Variants in ZBTB46 observed in about 807,000 individuals in gnomAD.
ZBTB46 encodes the protein zinc finger and BTB domain containing 46, also known as zinc finger and BTB domain-containing protein 46.
ZBTB46 carries 8 observed loss-of-function variants against 44.1 expected under a neutral mutation model. The ratio of observed to expected loss-of-function variants is 0.18; its 90% confidence interval spans 0.11 to 0.33. The LOEUF is 0.33. ZBTB46 is among the 10% of genes least tolerant of loss of function. ZBTB46 has a pLI of 1.00. For missense variants in ZBTB46, 651 were observed against 847.7 expected (o/e 0.77, Z 2.88); for synonymous variants, 409 against 382.3 (o/e 1.07, Z -0.81).
intron 2 of ZBTB46, 118 bp downstream of exon 2, chr20:63,789,703 G>A: frequency 6.8e-7 from 1 of 1,478,376 alleles, no homozygotes; most frequent in Non-Finnish European, 9.0e-7. Context: ...AAGAGGAAGT[G>A]ACCCTAGAAA....
At chr20:63,830,767 G>A (rs1223745429) in intron 1 of ZBTB46, among the ~76,000 whole-genome samples, 1 of 145,944 alleles carries the variant, frequency 6.9e-6, no homozygotes, top group Non-Finnish European at 1.5e-5. Flanking sequence ...GCCGGGGGCC[G>A]AGGGGCCGGG....
At chr20:63,782,082 G>A (rs1249963179) in intron 2 of ZBTB46, among the ~76,000 whole-genome samples, 3 of 33,864 alleles carry the variant, frequency 8.9e-5, no homozygotes, top group Non-Finnish European at 1.5e-4. Context: ...GCAAGACTCC[G>A]TCTCAAAAAA....
At chr20:63,771,862 G>A (rs914215246) in intron 3 of ZBTB46, among the ~76,000 whole-genome samples, 4 of 152,162 alleles carry the variant, frequency 2.6e-5, no homozygotes, top group Non-Finnish European at 5.9e-5. Flanking sequence ...AGAAAATTAC[G>A]TTTTAAAATA....
At chr20:63,786,692 A>C (rs987978837) in intron 2 of ZBTB46, among the ~76,000 whole-genome samples, 1 of 152,026 alleles carries the variant, frequency 6.6e-6, no homozygotes, top group Non-Finnish European at 1.5e-5. Flanking sequence ...TTGTATATTT[A>C]GTAGAGACGG....
intron 1 of ZBTB46, among the ~76,000 whole-genome samples, chr20:63,818,485 A>G (rs1370881469): frequency 6.6e-6 from 1 of 152,238 alleles, no homozygotes; most frequent in Non-Finnish European, 1.5e-5. Flanking sequence ...CTACAGCAAC[A>G]GTGGCCACAG....
chr20:63,790,332 C>T lies in ZBTB46; in HGVS notation c.426G>A (p.Ala142=), dbSNP rs373457237. 35 of 1,613,086 alleles carry T rather than the reference C, an allele frequency of 2.2e-5. No homozygotes were observed. The highest frequency in any genetic ancestry group is 1.6e-4 in the Middle Eastern group (1 of 6,084). The change falls in exon 2 of 5, where the codon GCG becomes GCA. Residue 142 remains alanine, a synonymous_variant. Transcript: ENST00000245663. The stretch of plus-strand genomic sequence containing the variant: ...TGGACGAGGCGCCGATCTCGAACTC[C>T]GCAAGCTCATCTGAGGCGTCCGACT... ...SIKSDASDEL[A]EFEIGASSSS...
chr20:63,808,925 C>G (rs2092699959), intron 1 of ZBTB46, among the ~76,000 whole-genome samples: 2 of 134,592 alleles, frequency 1.5e-5, no homozygotes, highest in Non-Finnish European at 1.5e-5. Context: ...TGCGGTGAGC[C>G]GAGATGGCGC....
intron 1 of ZBTB46, among the ~76,000 whole-genome samples, chr20:63,808,830 T>G (rs1346184097): frequency 6.6e-6 from 1 of 150,602 alleles, no homozygotes; most frequent in African/African-American, 2.4e-5. Flanking sequence ...AAAAAAAAAT[T>G]AGCCGGGCGT....
chr20:63,800,684 C>A (rs1294046086), intron 1 of ZBTB46, among the ~76,000 whole-genome samples: 1 of 152,228 alleles, frequency 6.6e-6, no homozygotes, highest in Admixed American at 6.5e-5. Flanking sequence ...GGGCTTAGCA[C>A]CCGGGCCAGC....
intron 4 of ZBTB46, among the ~76,000 whole-genome samples, chr20:63,748,093 G>A (rs1170523353): frequency 4.7e-5 from 5 of 106,934 alleles, no homozygotes; most frequent in Non-Finnish European, 8.8e-5. Flanking sequence ...CCCTCAGCCC[G>A]ACCCTGACTC....
intron 1 of ZBTB46, among the ~76,000 whole-genome samples, chr20:63,829,617 G>A (rs915255050): frequency 2.6e-5 from 4 of 152,212 alleles, no homozygotes; most frequent in Non-Finnish European, 5.9e-5. Flanking sequence ...TTCTGCAGTG[G>A]TAACCAGGCT....
intron 1 of ZBTB46, among the ~76,000 whole-genome samples, chr20:63,814,101 T>C (rs2092733509): frequency 6.6e-6 from 1 of 151,102 alleles, no homozygotes; most frequent in Admixed American, 6.6e-5. Flanking sequence ...GGCATGGCAG[T>C]GGGCGCCTGT....
intron 1 of ZBTB46, among the ~76,000 whole-genome samples, chr20:63,819,133 A>C (rs2092777087): frequency 6.6e-6 from 1 of 152,176 alleles, no homozygotes; most frequent in Non-Finnish European, 1.5e-5. Context: ...AGATCGCGCC[A>C]CTGCACTCCA....
intron 3 of ZBTB46, among the ~76,000 whole-genome samples, chr20:63,762,457 T>C (rs1211093992): frequency 6.6e-6 from 1 of 152,012 alleles, no homozygotes; most frequent in Non-Finnish European, 1.5e-5. Context: ...ATCGAGACCA[T>C]CTTGGCCAAC....
At chr20:63,815,294 G>GGT (rs2092742355) in intron 1 of ZBTB46, 2 of 287,166 alleles carry the variant, frequency 7.0e-6, no homozygotes, top group South Asian at 2.9e-5. Context: ...AGGTGCAGTG[G>GGT]GCAAAGGTGC....
Position 63,746,655 on chromosome 20 carries a change from AC to A in ZBTB46, c.*274del. Reference sequence around the variant, plus strand: ...CAGGGGCCACTCACACACCCGCACCACCTGCTGGGGACTTAGGACCGTGCTC... The same window carrying A: ...CAGGGGCCACTCACACACCCGCACCACTGCTGGGGACTTAGGACCGTGCTC... On this transcript the variant is annotated 3_prime_UTR_variant, in exon 5 of 5. Coordinates refer to ENST00000245663, the MANE Select transcript of ZBTB46 (RefSeq NM_001369741.1). The A allele has an allele frequency of 4.6e-6, 2 of 434,336 alleles. No individual in the cohort carries two copies. Among genetic ancestry groups the A allele is most frequent in the Non-Finnish European group, 8.0e-6 (2 of 250,260 alleles). 26.9% of individuals were successfully genotyped at this position (434,336 alleles called of 1,614,324 possible).
rs1236237311 is a variant in ZBTB46, at chr20:63,815,641, ACAGGTGGGCATAGGTGCAGTGAGTG to A, written c.-34+15431_-34+15455del. 4.8e-3 allele frequency among the ~76,000 whole-genome samples: 589 copies of A among 122,478 alleles called. 6 individuals are homozygous for A. The highest frequency in any genetic ancestry group is 0.017 in the Middle Eastern group (2 of 120). The allele number at this position is 122,478 out of a possible 152,430, so 80.4% of individuals were successfully genotyped here. A position where few individuals can be genotyped will look rare whatever the true frequency, so the allele number is the denominator to read the frequency against. Reference sequence around the variant, plus strand: ...TGCAGAAGGTGCAGGTGCAGTGGGTACAGGTGGGCATAGGTGCAGTGAGTGCAGGTGGGCATAGGTGCAGTGAGTG... The same window carrying A: ...TGCAGAAGGTGCAGGTGCAGTGGGTACAGGTGGGCATAGGTGCAGTGAGTG... On this transcript the variant is annotated intron_variant, in intron 1 of 4. Transcript: ENST00000245663.
intron 1 of ZBTB46, among the ~76,000 whole-genome samples, chr20:63,798,059 G>T (rs1218196546): frequency 1.3e-5 from 2 of 152,206 alleles, no homozygotes; most frequent in Admixed American, 6.5e-5. Flanking sequence ...TTTTAGACAT[G>T]AAGTCCTTGC....
intron 1 of ZBTB46, among the ~76,000 whole-genome samples, chr20:63,813,504 G>T (rs1053205586): frequency 2.0e-5 from 3 of 152,006 alleles, no homozygotes; most frequent in Non-Finnish European, 2.9e-5. Context: ...TCCAATGTAA[G>T]CATTGTGGCT....
Sources: gnomAD v4.1 joint callset for allele counts (sites outside exome capture counted in the v4.1 genomes callset) on GRCh38, gnomAD v4.1.1 for gene constraint, MANE v1.5 for transcripts, NCBI Gene and HGNC (gene_info 2026-07-23, HGNC 2026-07-21) for gene names.